PPP2R3A: variants seen among roughly 807,000 people sequenced by gnomAD.
PPP2R3A encodes serine/threonine-protein phosphatase 2A regulatory subunit B'' subunit alpha.
PPP2R3A carries 80 observed loss-of-function variants against 106.9 expected under a neutral mutation model. That is an observed-to-expected ratio of 0.75 (90% CI 0.62 to 0.90). The LOEUF is 0.90. PPP2R3A is among the 40% of genes least tolerant of loss of function. The pLI, the probability that PPP2R3A is intolerant of heterozygous loss-of-function variation, is 0.00. For missense variants in PPP2R3A, 1,386 were observed against 1,350.4 expected (o/e 1.03, Z -0.41); for synonymous variants, 483 against 468.3 (o/e 1.03, Z -0.41).
chr3:136,077,123 G>A (rs1194113543), intron 6 of PPP2R3A, among the ~76,000 whole-genome samples: 1 of 152,164 alleles, frequency 6.6e-6, no homozygotes, highest in African/African-American at 2.4e-5. Flanking sequence ...CAGAGCTCTA[G>A]TCAGTCCCTG....
Position 136,002,725 on chromosome 3 carries a change from C to A in PPP2R3A, c.1227C>A (p.Asp409Glu), listed in dbSNP as rs146154215. 6.2e-7 allele frequency: 1 copy of A among 1,612,598 alleles called. No individual in the cohort carries two copies. The highest frequency in any genetic ancestry group is 8.5e-7 in the Non-Finnish European group (1 of 1,179,524). Residue 409 changes from aspartate to glutamate, a missense_variant, in exon 2 of 14, where the codon GAC becomes GAA. Asp to Glu is a conservative substitution (Grantham distance 45). Transcript: ENST00000264977. Reference sequence around the variant, plus strand: ...ATCCTTTAGAAAATGTTTCTTCTGACGACTTAATGGAAACTCTTTATATTG... The same window carrying A: ...ATCCTTTAGAAAATGTTTCTTCTGAAGACTTAATGGAAACTCTTTATATTG... ...TMNPLENVSS[D>E]DLMETLYIEE...
chr3:136,054,207 A>ACATTAAATACTACTTTGCCATGACAGCT (rs1370312905), intron 5 of PPP2R3A, among the ~76,000 whole-genome samples: 2 of 150,912 alleles, frequency 1.3e-5, no homozygotes, highest in African/African-American at 2.4e-5. Context: ...ACCTATAAGC[A>ACATTAAATACTACTTTGCCATGACAGCT]CATTAAATAC....
At chr3:136,027,163 T>A in intron 3 of PPP2R3A, 65 bp downstream of exon 3, 2 of 1,429,228 alleles carry the variant, frequency 1.4e-6, no homozygotes, top group African/African-American at 1.4e-5. Context: ...CCTCCCCTTC[T>A]CTAGAAACCC....
At chr3:136,023,097 A>G (rs1313637523) in intron 2 of PPP2R3A, 1 of 1,613,434 alleles carries the variant, frequency 6.2e-7, no homozygotes, top group South Asian at 1.1e-5. Context: ...ATCTCTACGA[A>G]GGGACCCGGA....
At chr3:136,064,514 A>G (rs907161262) in intron 5 of PPP2R3A, among the ~76,000 whole-genome samples, 1 of 152,176 alleles carries the variant, frequency 6.6e-6, no homozygotes, top group Non-Finnish European at 1.5e-5. Flanking sequence ...ATGTCAGGAA[A>G]TGGTTGTGTT....
At chr3:135,966,008 G>A (rs1242814740) in intron 1 of PPP2R3A, among the ~76,000 whole-genome samples, 159 bp downstream of exon 1, 1 of 152,068 alleles carries the variant, frequency 6.6e-6, no homozygotes, top group Non-Finnish European at 1.5e-5. Context: ...ACACGGAGCT[G>A]ATTGGGCTGT....
chr3:136,136,457 A>G (rs527241138), intron 13 of PPP2R3A, among the ~76,000 whole-genome samples: 1 of 152,160 alleles, frequency 6.6e-6, no homozygotes, highest in Non-Finnish European at 1.5e-5. Context: ...CACAGTAAAT[A>G]TCTGTTGCAT....
chr3:136,146,983 CATT>C lies in PPP2R3A; in HGVS notation c.*1818_*1820del, dbSNP rs1939159650. On this transcript the variant is annotated 3_prime_UTR_variant, in exon 14 of 14. Transcript: ENST00000264977. The stretch of plus-strand genomic sequence containing the variant: ...AGTAAAAATTCAATTTTACAATATA[CATT>C]TTTTTTTTTAACTATTTGGCTTTAC... 1 of 150,884 alleles carries C rather than the reference CATT, an allele frequency of 6.6e-6. No individual in the cohort carries two copies. The allele number at this position is 150,884 out of a possible 1,614,324, so 9.3% of individuals were successfully genotyped here. A position where few individuals can be genotyped will look rare whatever the true frequency, so the allele number is the denominator to read the frequency against.
At chr3:136,003,955 A>G (rs1429740089) in intron 2 of PPP2R3A, among the ~76,000 whole-genome samples, 1 of 152,182 alleles carries the variant, frequency 6.6e-6, no homozygotes, top group Admixed American at 6.5e-5. Flanking sequence ...AGTGTAGAGT[A>G]CAAAAGGAGA....
intron 1 of PPP2R3A, among the ~76,000 whole-genome samples, chr3:135,990,742 C>A (rs1933124863): frequency 6.6e-6 from 1 of 152,120 alleles, no homozygotes; most frequent in South Asian, 2.1e-4. Flanking sequence ...TCATTTATAG[C>A]CTCACGGATT....
At chr3:136,026,738 C>G in intron 2 of PPP2R3A, 94 bp from the exon 3 acceptor site, 1 of 1,204,018 alleles carries the variant, frequency 8.3e-7, no homozygotes. Context: ...TCTCTCCTGT[C>G]TCTGATTGTG....
intron 1 of PPP2R3A, among the ~76,000 whole-genome samples, chr3:135,976,733 C>T (rs1162609643): frequency 2.6e-5 from 4 of 152,004 alleles, no homozygotes; most frequent in African/African-American, 9.7e-5. Context: ...CCTTATATGG[C>T]GTTTGATTTT....
rs748038542 is a variant in PPP2R3A at position 136,102,024 on chromosome 3, G to A, written c.2945G>A (p.Arg982His). The change falls in exon 11 of 14, where the codon CGC becomes CAC. Residue 982 changes from arginine to histidine, a missense_variant. By Grantham distance (29) the Arg-to-His change is conservative. Coordinates refer to ENST00000264977, the MANE Select transcript of PPP2R3A (RefSeq NM_002718.5). ...RNPTSIEYWFRCMDVDGDGVL... is the reference protein window; with the variant it reads ...RNPTSIEYWFHCMDVDGDGVL... ...TCATCTAGCATTGAGTATTGGTTCC[G>A]CTGCATGGATGTGGATGGAGACGGT... is the stretch of plus-strand genomic sequence containing the variant. 2.2e-5 allele frequency: 36 copies of A among 1,613,440 alleles called. No individual in the cohort carries two copies. Among genetic ancestry groups the A allele is most frequent in the Middle Eastern group, 1.6e-4 (1 of 6,076 alleles).
At chr3:136,096,202 G>A (rs1937212331) in intron 10 of PPP2R3A, among the ~76,000 whole-genome samples, 1 of 152,110 alleles carries the variant, frequency 6.6e-6, no homozygotes, top group Admixed American at 6.6e-5. Context: ...AAAATTCTAA[G>A]TCAAACCATC....
At chr3:136,143,313 A>G (rs913127897) in intron 13 of PPP2R3A, among the ~76,000 whole-genome samples, 22 of 152,050 alleles carry the variant, frequency 1.4e-4, no homozygotes, top group African/African-American at 4.6e-4. Context: ...ACATGGCGAA[A>G]CCCTGTTGCT....
At chr3:136,040,368 C>T (rs1408153372) in intron 3 of PPP2R3A, among the ~76,000 whole-genome samples, 4 of 152,040 alleles carry the variant, frequency 2.6e-5, no homozygotes, top group Non-Finnish European at 5.9e-5. Context: ...GGTGAAATTC[C>T]ATCTCTACTA....
chr3:136,143,062 AGAATG>A (rs1938941749), intron 13 of PPP2R3A, among the ~76,000 whole-genome samples: 1 of 152,260 alleles, frequency 6.6e-6, no homozygotes, highest in Non-Finnish European at 1.5e-5. Context: ...AGTGGAAACA[AGAATG>A]GAATGGAATA....
chr3:136,137,045 T>G (rs909416105), intron 13 of PPP2R3A, among the ~76,000 whole-genome samples: 9 of 152,234 alleles, frequency 5.9e-5, no homozygotes, highest in Admixed American at 1.3e-4. Flanking sequence ...GGGTACCAGT[T>G]ACTTAATCCA....
rs544230103 is a variant in PPP2R3A at position 135,989,635 on chromosome 3, T to G, written c.-440-11424T>G. Among the ~76,000 whole-genome samples, 9 of 152,248 alleles carry G rather than the reference T, an allele frequency of 5.9e-5. No homozygotes were observed. In the East Asian group the frequency reaches 1.5e-3, roughly 26 times the overall value. ...TCTTACCTTCTTTCTGCCTTTAAAA[T>G]AGTCAGAATGCTGCCACAGCTGAAG... On this transcript the variant is annotated intron_variant, in intron 1 of 13. Transcript: ENST00000264977.
Sources: gnomAD v4.1 joint callset for allele counts (sites outside exome capture counted in the v4.1 genomes callset) on GRCh38, gnomAD v4.1.1 for gene constraint, MANE v1.5 for transcripts, NCBI Gene and HGNC (gene_info 2026-07-23, HGNC 2026-07-21) for gene names.